The following RPA3 variants were observed in gnomAD, a reference collection of about 807,000 sequenced individuals.
The protein encoded by RPA3 is replication protein A3, also known as replication protein A 14 kDa subunit.
RPA3 carries 24 observed loss-of-function variants against 13.7 expected under a neutral mutation model. That is an observed-to-expected ratio of 1.75 (90% CI 1.27 to 2.46). RPA3 has a LOEUF of 2.46. RPA3 is among the 30% of genes most tolerant of loss of function. The pLI, the probability that RPA3 is intolerant of heterozygous loss-of-function variation, is 0.00. For synonymous variants in RPA3, 59 were observed against 51.2 expected (o/e 1.15, Z -0.65); for missense variants, 183 against 151.0 (o/e 1.21, Z -1.11).
intron 3 of RPA3, among the ~76,000 whole-genome samples, chr7:7,686,788 A>G (rs994674273): frequency 1.3e-5 from 2 of 152,208 alleles, no homozygotes; most frequent in Non-Finnish European, 2.9e-5. Flanking sequence ...TGTGAAGATT[A>G]TGATGAAGTT....
chr7:7,640,436 G>C lies in RPA3; in HGVS notation c.-18C>G, dbSNP rs759626467. The C allele has an allele frequency of 6.2e-7, 1 of 1,611,822 alleles. No individual in the cohort carries two copies. Among genetic ancestry groups the C allele is most frequent in the East Asian group, 2.2e-5 (1 of 44,820 alleles). ...TCCACCATGATTATGGTCCAAGACT[G>C]CGGCTGGCGGGAAACCCACGGACGA... On this transcript the variant is annotated 5_prime_UTR_variant, in exon 5 of 8. Transcript: ENST00000223129.
chr7:7,679,423 A>G lies in RPA3; in HGVS notation c.-758+6407T>C, dbSNP rs1484250887. 2.6e-4 allele frequency among the ~76,000 whole-genome samples: 3 copies of G among 11,534 alleles called. 1 individual carries two copies. Among genetic ancestry groups the G allele is most frequent in the Admixed American group, 2.7e-3 (2 of 740 alleles). 7.6% of individuals were successfully genotyped at this position (11,534 alleles called of 152,430 possible). On this transcript the variant is annotated intron_variant, in intron 4 of 7. Transcript: ENST00000223129. ...TAGATAATATATATTTATATATTTA[A>G]TTTATAGATAAATATATATTTATAT...
At chr7:7,693,220 T>G (rs897122578) in intron 2 of RPA3, among the ~76,000 whole-genome samples, 1 of 152,200 alleles carries the variant, frequency 6.6e-6, no homozygotes, top group Non-Finnish European at 1.5e-5. Flanking sequence ...GAAATTGTAC[T>G]GTGCTTCTTG....
chr7:7,668,083 AT>A (rs1318192208), intron 4 of RPA3, among the ~76,000 whole-genome samples: 33 of 147,114 alleles, frequency 2.2e-4, no homozygotes, highest in African/African-American at 1.5e-4. Context: ...CAGCTGGCTA[AT>A]TTTTTTTTTT....
At chr7:7,710,811 G>A (rs1032306222) in intron 2 of RPA3, among the ~76,000 whole-genome samples, 1 of 152,108 alleles carries the variant, frequency 6.6e-6, no homozygotes, top group African/African-American at 2.4e-5. Flanking sequence ...ACAGGTGAAT[G>A]GTTAAATCTA....
intron 2 of RPA3, among the ~76,000 whole-genome samples, chr7:7,709,611 T>C (rs762800783): frequency 5.3e-5 from 8 of 152,230 alleles, no homozygotes; most frequent in Non-Finnish European, 1.0e-4. Flanking sequence ...ACCTGTTTGC[T>C]CAGAAGTCAT....
intron 4 of RPA3, among the ~76,000 whole-genome samples, chr7:7,677,723 G>T (rs1779782267): frequency 7.1e-6 from 1 of 141,086 alleles, no homozygotes; most frequent in East Asian, 2.0e-4. Flanking sequence ...GCCCAGGCTG[G>T]AGTGCAGTGG....
chr7:7,644,321 G>T (rs1235828323), intron 4 of RPA3, among the ~76,000 whole-genome samples: 1 of 147,548 alleles, frequency 6.8e-6, no homozygotes, highest in East Asian at 2.0e-4. Flanking sequence ...TCTGTTTTTG[G>T]CCTATCTTTC....
At chr7:7,718,367 A>G (rs1780970216) in intron 1 of RPA3, 148 bp downstream of exon 1, 1 of 152,234 alleles carries the variant, frequency 6.6e-6, no homozygotes, top group African/African-American at 2.4e-5. Context: ...TCTTACCACC[A>G]TATTCCCAGC....
intron 4 of RPA3, among the ~76,000 whole-genome samples, chr7:7,673,794 T>C (rs762906558): frequency 1.3e-4 from 20 of 152,238 alleles, no homozygotes; most frequent in Non-Finnish European, 2.1e-4. Flanking sequence ...AGTACTAACC[T>C]TGTTTCATAA....
chr7:7,640,690 C>A lies in RPA3; in HGVS notation c.-272G>T, dbSNP rs1389017382. ...GATACAGGGCGAGAGGCAGTGGAGG[C>A]GGGACTTGGATAGGGGCGGAACCTG... On this transcript the variant is annotated 5_prime_UTR_variant, in exon 5 of 8. Coordinates refer to ENST00000223129, the MANE Select transcript of RPA3 (RefSeq NM_002947.5). The A allele has an allele frequency of 9.0e-6, 4 of 443,108 alleles. No individual in the cohort carries two copies. Among genetic ancestry groups the A allele is most frequent in the South Asian group, 8.4e-5 (3 of 35,914 alleles). The allele number at this position is 443,108 out of a possible 1,614,324, so 27.4% of individuals were successfully genotyped here.
intron 1 of RPA3, among the ~76,000 whole-genome samples, chr7:7,716,441 A>G (rs1780906564): frequency 6.6e-6 from 1 of 152,232 alleles, no homozygotes; most frequent in Non-Finnish European, 1.5e-5. Context: ...GCAGCCTGAA[A>G]GATCGAGCTG....
At chr7:7,707,052 T>C (rs959536912) in intron 2 of RPA3, among the ~76,000 whole-genome samples, 1 of 152,192 alleles carries the variant, frequency 6.6e-6, no homozygotes. Context: ...AGGACACTAA[T>C]TAATTAGCAT....
chr7:7,663,384 G>T (rs1053019140), intron 4 of RPA3, among the ~76,000 whole-genome samples: 1 of 152,020 alleles, frequency 6.6e-6, no homozygotes, highest in African/African-American at 2.4e-5. Flanking sequence ...TTTCCAAGCT[G>T]TTCTGTGGAG....
At chr7:7,660,438 A>G (rs933491779) in intron 4 of RPA3, among the ~76,000 whole-genome samples, 6 of 152,122 alleles carry the variant, frequency 3.9e-5, no homozygotes, top group Non-Finnish European at 5.9e-5. Context: ...AGTGGCTGGT[A>G]CCTGTTGTTC....
At chr7:7,665,405 T>G (rs1163986511) in intron 4 of RPA3, among the ~76,000 whole-genome samples, 1 of 152,212 alleles carries the variant, frequency 6.6e-6, no homozygotes, top group Non-Finnish European at 1.5e-5. Flanking sequence ...ACATTTTGCT[T>G]TTTATATAAA....
At chr7:7,664,505 T>C (rs1430254740) in intron 4 of RPA3, among the ~76,000 whole-genome samples, 1 of 152,228 alleles carries the variant, frequency 6.6e-6, no homozygotes, top group Non-Finnish European at 1.5e-5. Context: ...CTTCCCTTCT[T>C]TTGCAGTCTT....
At chr7:7,643,143 A>T (rs910956171) in intron 4 of RPA3, among the ~76,000 whole-genome samples, 9 of 152,208 alleles carry the variant, frequency 5.9e-5, no homozygotes, top group African/African-American at 2.2e-4. Flanking sequence ...CTGCAGCGCC[A>T]GGGAGAGGCC....
intron 2 of RPA3, among the ~76,000 whole-genome samples, chr7:7,711,456 C>T (rs1465561150): frequency 6.6e-6 from 1 of 152,090 alleles, no homozygotes; most frequent in Non-Finnish European, 1.5e-5. Flanking sequence ...TCATATTATA[C>T]TCTATCCTTT....
Sources: allele counts gnomAD v4.1 joint callset (sites outside exome capture counted in the v4.1 genomes callset), GRCh38; gene constraint gnomAD v4.1.1; transcripts MANE v1.5; gene names NCBI Gene and HGNC (gene_info 2026-07-23, HGNC 2026-07-21).